PRH1: variants seen among roughly 807,000 people sequenced by gnomAD.
PRH1 encodes the protein proline rich protein HaeIII subfamily 1, also known as salivary acidic proline-rich phosphoprotein 1/2.
PRH1 carries 7 observed loss-of-function variants against 7.9 expected under a neutral mutation model. The observed-to-expected ratio is 0.89, with a 90% CI of 0.50 to 1.67. The LOEUF is 1.67. PRH1 is among the 40% of genes most tolerant of loss of function. The probability of loss-of-function intolerance (pLI) is 0.00; values close to 1 mark genes in which losing one functional copy is unlikely to be tolerated. For synonymous variants in PRH1, 45 were observed against 80.8 expected (o/e 0.56, Z 2.38); for missense variants, 109 against 223.6 (o/e 0.49, Z 3.27).
chr12:10,917,781 G>A (rs969943156), intron 2 of PRH1, among the ~76,000 whole-genome samples: 3 of 152,224 alleles, frequency 2.0e-5, no homozygotes, highest in Admixed American at 2.0e-4. Context: ...GCAGTACTGA[G>A]TCAGTTCTTG....
chr12:10,988,817 T>C (rs1939782311), intron 1 of PRH1, among the ~76,000 whole-genome samples: 1 of 151,932 alleles, frequency 6.6e-6, no homozygotes, highest in Non-Finnish European at 1.5e-5. Context: ...TTGATTTTCT[T>C]TTTTTTTGAG....
intron 2 of PRH1, among the ~76,000 whole-genome samples, chr12:10,906,182 A>T (rs1949800194): frequency 6.6e-6 from 1 of 152,252 alleles, no homozygotes. Flanking sequence ...CTAAAAATGC[A>T]TGTGGTATCA....
intron 2 of PRH1, among the ~76,000 whole-genome samples, chr12:10,907,533 A>G (rs80280725): frequency 0.024 from 3,716 of 151,936 alleles, 57 homozygotes; most frequent in Non-Finnish European, 0.037. Flanking sequence ...GTGTGTGTGT[A>G]TATATGGCAT....
intron 1 of PRH1, among the ~76,000 whole-genome samples, chr12:11,026,788 T>G (rs573758841): frequency 3.9e-5 from 6 of 152,322 alleles, no homozygotes; most frequent in African/African-American, 1.4e-4. Context: ...GAGCAGAGCT[T>G]CTGGTACTTT....
In PRH1 at chr12:11,130,483, A is replaced by G. The variant is rs529013167; in HGVS notation, n.40-9303T>C. ...TTTGAGAATATTGCTCTGACTCACG[A>G]ACGATGTTTCTAAAGGCTACTGGTC... On this transcript the variant is annotated intron_variant and non_coding_transcript_variant, in intron 1 of 1. Coordinates refer to the PRH1 transcript ENST00000541175. Among the ~76,000 whole-genome samples the G allele has an allele frequency of 6.3e-4, 96 of 152,290 alleles. 1 individual carries two copies. The South Asian group carries it at 0.019, about 31-fold the overall frequency.
At chr12:11,101,796 A>T (rs1945259119) in intron 1 of PRH1, among the ~76,000 whole-genome samples, 2 of 152,170 alleles carry the variant, frequency 1.3e-5, no homozygotes, top group South Asian at 4.1e-4. Flanking sequence ...TAGAAAACCT[A>T]ATCTTCTCTG....
chr12:10,968,653 G>C (rs1938633303), intron 2 of PRH1, among the ~76,000 whole-genome samples: 1 of 152,226 alleles, frequency 6.6e-6, no homozygotes. Flanking sequence ...GGGGCTCACT[G>C]ACGCTAGAAC....
rs115320511 is a variant in PRH1, at chr12:10,992,468, G to A, written c.-125-18747C>T. On this transcript the variant is annotated intron_variant, in intron 1 of 3. Coordinates refer to the PRH1 transcript ENST00000539853. ...CCCAGGCTAGAGTGCAGCCCAGGCTGGAGTGAAATGGCACAATCATAGCTT... is the reference window on the plus strand; with the variant it reads ...CCCAGGCTAGAGTGCAGCCCAGGCTAGAGTGAAATGGCACAATCATAGCTT... 6.9e-3 allele frequency among the ~76,000 whole-genome samples: 1,052 copies of A among 152,236 alleles called. 15 individuals are homozygous for A. The highest frequency in any genetic ancestry group is 0.025 in the African/African-American group (1,018 of 41,532).
intron 1 of PRH1, among the ~76,000 whole-genome samples, chr12:10,988,107 A>G (rs1401900233): frequency 2.6e-5 from 4 of 152,188 alleles, no homozygotes; most frequent in Non-Finnish European, 5.9e-5. Context: ...TAAATTGGCC[A>G]AAGTCTAACT....
chr12:11,137,852 A>G (rs1488848255), intron 1 of PRH1, among the ~76,000 whole-genome samples: 46 of 152,158 alleles, frequency 3.0e-4, no homozygotes, highest in Admixed American at 2.9e-3. Flanking sequence ...AGATAATGAT[A>G]ATGATGATGG....
At chr12:10,913,311 C>T (rs1414926176) in intron 2 of PRH1, among the ~76,000 whole-genome samples, 6 of 152,110 alleles carry the variant, frequency 3.9e-5, no homozygotes, top group South Asian at 2.1e-4. Context: ...AAAAATTAGC[C>T]GGGCATGGTG....
At chr12:10,926,010 C>G (rs371257198) in intron 2 of PRH1, among the ~76,000 whole-genome samples, 1 of 151,990 alleles carries the variant, frequency 6.6e-6, no homozygotes, top group African/African-American at 2.4e-5. Flanking sequence ...CTATTATAAC[C>G]AATTTGGCTA....
chr12:11,067,132 T>A (rs11523135), intron 1 of PRH1, among the ~76,000 whole-genome samples: 56 of 152,260 alleles, frequency 3.7e-4, no homozygotes, highest in African/African-American at 1.2e-3. Flanking sequence ...AGTAGCATTA[T>A]ATATGCACAA....
chr12:11,097,870 T>C lies in PRH1; in HGVS notation n.124-50682A>G, dbSNP rs573369990. Reference sequence around the variant, plus strand: ...ATTATTCTTCCTCATGGCCTCACGATTCTTCTATGATTCTCAGCATTAGGC... The same window carrying C: ...ATTATTCTTCCTCATGGCCTCACGACTCTTCTATGATTCTCAGCATTAGGC... On this transcript the variant is annotated intron_variant and non_coding_transcript_variant, in intron 1 of 4. Transcript: ENST00000541977. Among the ~76,000 whole-genome samples the C allele has an allele frequency of 2.7e-5, 3 of 110,400 alleles. No homozygotes were observed. In the East Asian group the frequency reaches 6.6e-4, roughly 24 times the overall value. 72.4% of individuals were successfully genotyped at this position (110,400 alleles called of 152,430 possible).
At chr12:11,061,343 AC>A (rs778899748) in intron 1 of PRH1, 1 of 1,597,370 alleles carries the variant, frequency 6.3e-7, no homozygotes, top group Non-Finnish European at 8.5e-7. Context: ...GCTAGAAGAT[AC>A]ACAATGCTGC....
At chr12:10,971,929 T>G (rs962275690) in intron 2 of PRH1, among the ~76,000 whole-genome samples, 3 of 152,204 alleles carry the variant, frequency 2.0e-5, no homozygotes, top group African/African-American at 7.2e-5. Context: ...TTATTCGTAT[T>G]CTATTATTAA....
chr12:10,882,371 C>T lies in PRH1; in HGVS notation c.428G>A (p.Arg143Gln), dbSNP rs370217783. 616 of 1,598,162 alleles carry T rather than the reference C, an allele frequency of 3.9e-4. 7 individuals are homozygous for T. In the East Asian group the frequency reaches 0.011, roughly 30 times the overall value. The change falls in exon 3 of 4, where the codon CGA becomes CAA. Residue 143 changes from arginine to glutamine, a missense_variant. By Grantham distance (43) the Arg-to-Gln change is conservative. This residue lies in a region of PRH1 where 45 missense variants were observed against 88.8 expected (regional missense o/e 0.51). Coordinates refer to ENST00000543626, the MANE Select transcript of PRH1 (RefSeq NM_001393989.1). ...TTGGGGTGGTCCTTGTGGCCTTCCT[C>T]GAGGAGGACGGGGATGGCCTCCCTG... ...PQQGGHPRPP[R>Q]GRPQGPPQQG...
In PRH1 at chr12:11,096,003, A is replaced by T. The variant is rs183913048; in HGVS notation, n.124-48815T>A. Reference sequence around the variant, plus strand: ...TTTAACATAATCTATCTTTTCCTCTAGTTACTTTTCAGGTTTTCTATTGGT... The same window carrying T: ...TTTAACATAATCTATCTTTTCCTCTTGTTACTTTTCAGGTTTTCTATTGGT... On this transcript the variant is annotated intron_variant and non_coding_transcript_variant, in intron 1 of 4. Coordinates refer to the PRH1 transcript ENST00000541977. Among the ~76,000 whole-genome samples, 203 of 111,286 alleles carry T rather than the reference A, an allele frequency of 1.8e-3. 38 individuals carry two copies. In the East Asian group the frequency reaches 0.029, roughly 16 times the overall value. The allele number at this position is 111,286 out of a possible 152,430, so 73.0% of individuals were successfully genotyped here. A position where few individuals can be genotyped will look rare whatever the true frequency, so the allele number is the denominator to read the frequency against.
rs545650711 is a variant in PRH1, at chr12:11,017,457, G to A, written c.-126+29563C>T. 3.0e-4 allele frequency among the ~76,000 whole-genome samples: 45 copies of A among 151,682 alleles called. No individual in the cohort carries two copies. In the South Asian group the frequency reaches 7.3e-3, roughly 25 times the overall value. ...TGTTTTCAGGGGTCCCATATTCCTG[G>A]TCCACATGTTGAAAAATCAATTAAT... is the stretch of plus-strand genomic sequence containing the variant. On this transcript the variant is annotated intron_variant, in intron 1 of 3. Transcript: ENST00000539853.
Sources: gnomAD v4.1 joint callset for allele counts (sites outside exome capture counted in the v4.1 genomes callset) on GRCh38, gnomAD v4.1.1 for gene constraint, gnomAD v4.1.1 regional missense constraint, MANE v1.5 for transcripts, NCBI Gene and HGNC (gene_info 2026-07-23, HGNC 2026-07-21) for gene names.